Variants in OTOGL observed in about 807,000 individuals in gnomAD.
The protein encoded by OTOGL is otogelin-like protein.
A neutral mutation model predicts 318.5 loss-of-function variants in OTOGL; 285 were observed. The ratio of observed to expected loss-of-function variants is 0.89; its 90% confidence interval spans 0.81 to 0.99. The LOEUF is 0.99. Among genes scored for constraint, OTOGL ranks in the 50% least tolerant of loss-of-function variants. The pLI is 0.00. For synonymous variants in OTOGL, 987 were observed against 936.5 expected, an observed-to-expected ratio of 1.05 and a Z score of -0.99; for missense variants, 2,899 against 2,845.6, an observed-to-expected ratio of 1.02 and a Z score of -0.43.
At chr12:80,350,312 A>T (rs1176832852) in intron 44 of OTOGL, among the ~76,000 whole-genome samples, 1 of 152,174 alleles carries the variant, frequency 6.6e-6, no homozygotes, top group Non-Finnish European at 1.5e-5. Context: ...TCATTGGCAG[A>T]CCTGTAGGTT....
At chr12:80,280,731 C>T (rs907107350) in intron 26 of OTOGL, among the ~76,000 whole-genome samples, 4 of 151,466 alleles carry the variant, frequency 2.6e-5, no homozygotes, top group Non-Finnish European at 5.9e-5. Context: ...TTGATGCTTC[C>T]AGCTTTGTTC....
At chr12:80,251,574 C>A in intron 11 of OTOGL, 119 bp from the exon 12 acceptor site, 1 of 675,974 alleles carries the variant, frequency 1.5e-6, no homozygotes, top group South Asian at 2.1e-5. Context: ...CATATGCTGA[C>A]ATCAATTAAC....
chr12:80,167,831 A>T (rs375465635), intron 1 of OTOGL, among the ~76,000 whole-genome samples: 1 of 113,856 alleles, frequency 8.8e-6, no homozygotes, highest in Admixed American at 7.7e-5. Context: ...AAAAAAATGG[A>T]AAATAAGTGC....
chr12:80,206,571 G>A (rs7314647), intron 1 of OTOGL, among the ~76,000 whole-genome samples: 48,879 of 151,902 alleles, frequency 0.32, 8,063 homozygotes, highest in East Asian at 0.41. Flanking sequence ...GTGCAGTGGT[G>A]TGACCTCAGT....
intron 44 of OTOGL, among the ~76,000 whole-genome samples, chr12:80,349,193 T>A (rs1482567520): frequency 6.6e-6 from 1 of 152,006 alleles, no homozygotes; most frequent in Non-Finnish European, 1.5e-5. Flanking sequence ...TCAGAGGAGA[T>A]AAGTTGAGGC....
intron 13 of OTOGL, among the ~76,000 whole-genome samples, chr12:80,253,069 G>T (rs1881713736): frequency 6.6e-6 from 1 of 152,164 alleles, no homozygotes; most frequent in African/African-American, 2.4e-5. Context: ...CATTTGAGTA[G>T]CAGTACCTAG....
At chr12:80,191,256 G>A (rs1592531951) in intron 1 of OTOGL, among the ~76,000 whole-genome samples, 1 of 152,272 alleles carries the variant, frequency 6.6e-6, no homozygotes, top group Admixed American at 6.5e-5. Flanking sequence ...TGGCCAATAT[G>A]GCCAAACCCC....
In OTOGL at chr12:80,241,776, A is replaced by G. The variant is rs548477697; in HGVS notation, c.1052+2337A>G. ...TTATATTTCTCTTACATAAAAATCC[A>G]TGCCGGTTAGTGGTCTTGGATTGGC... On this transcript the variant is annotated intron_variant, in intron 11 of 58. Coordinates refer to ENST00000547103, the MANE Select transcript of OTOGL (RefSeq NM_001378609.3). Among the ~76,000 whole-genome samples the G allele has an allele frequency of 1.1e-4, 16 of 152,276 alleles. No individual in the cohort carries two copies. In the East Asian group the frequency reaches 2.5e-3, roughly 24 times the overall value.
intron 26 of OTOGL, among the ~76,000 whole-genome samples, chr12:80,282,934 TC>T (rs1353293358): frequency 6.6e-6 from 1 of 151,942 alleles, no homozygotes; most frequent in East Asian, 1.9e-4. Flanking sequence ...TTTGGTTCCT[TC>T]AGAGCAAGGA....
chr12:80,279,200 G>A (rs369824609), intron 26 of OTOGL, 34 bp downstream of exon 26: 25 of 1,551,846 alleles, frequency 1.6e-5, no homozygotes, highest in African/African-American at 2.8e-5. Context: ...ATTTGCATTC[G>A]TGTAAAGATT....
intron 1 of OTOGL, among the ~76,000 whole-genome samples, chr12:80,129,135 G>C (rs749830113): frequency 6.6e-6 from 1 of 152,178 alleles, no homozygotes; most frequent in Non-Finnish European, 1.5e-5. Flanking sequence ...CGTCGCTCAT[G>C]CTGGGAGCTG....
Position 80,272,342 on chromosome 12 carries a change from ATGTGTGTGTGTGTGTG to A in OTOGL, c.2681+564_2681+579del, listed in dbSNP as rs56364698. Reference sequence around the variant, plus strand: ...TTTTAAGCCTCAATTAGGCATTGTGATGTGTGTGTGTGTGTGTGTGTGTGTGTGTGTGTGTGTGTGT... The same window carrying A: ...TTTTAAGCCTCAATTAGGCATTGTGATGTGTGTGTGTGTGTGTGTGTGTGT... On this transcript the variant is annotated intron_variant, in intron 24 of 58. Coordinates refer to ENST00000547103, the MANE Select transcript of OTOGL (RefSeq NM_001378609.3). Among the ~76,000 whole-genome samples, 686 of 145,568 alleles carry A rather than the reference ATGTGTGTGTGTGTGTG, an allele frequency of 4.7e-3. 5 individuals are homozygous for A. The highest frequency in any genetic ancestry group is 9.9e-3 in the African/African-American group (389 of 39,102).
chr12:80,120,833 C>T (rs777460034), intron 1 of OTOGL, among the ~76,000 whole-genome samples: 1 of 152,158 alleles, frequency 6.6e-6, no homozygotes, highest in Admixed American at 6.6e-5. Flanking sequence ...GTAGTAGACA[C>T]TATGGAGCAT....
At chr12:80,202,922 C>T (rs188548616) in intron 1 of OTOGL, among the ~76,000 whole-genome samples, 1 of 152,254 alleles carries the variant, frequency 6.6e-6, no homozygotes, top group Admixed American at 6.5e-5. Flanking sequence ...TTGCCATCTC[C>T]ACTTCTGCTG....
At chr12:80,101,581 G>A (rs1441984166) in intron 1 of OTOGL, among the ~76,000 whole-genome samples, 1 of 152,150 alleles carries the variant, frequency 6.6e-6, no homozygotes, top group Admixed American at 6.6e-5. Context: ...TATTCATCAT[G>A]TAGAGCAATA....
intron 1 of OTOGL, among the ~76,000 whole-genome samples, chr12:80,135,895 C>A (rs1871537623): frequency 6.6e-6 from 1 of 152,176 alleles, no homozygotes; most frequent in African/African-American, 2.4e-5. Context: ...AATTCTCCTG[C>A]CTGATGGCCT....
intron 11 of OTOGL, among the ~76,000 whole-genome samples, chr12:80,248,837 C>A (rs1881178603): frequency 1.3e-5 from 2 of 150,308 alleles, no homozygotes; most frequent in Non-Finnish European, 3.0e-5. Flanking sequence ...CACATAGTCC[C>A]ATATTTCTTG....
At chr12:80,118,828 A>AAAC (rs1179967995) in intron 1 of OTOGL, among the ~76,000 whole-genome samples, 1 of 152,138 alleles carries the variant, frequency 6.6e-6, no homozygotes, top group Non-Finnish European at 1.5e-5. Context: ...AGAGGTCCTA[A>AAAC]AACTCTTGTC....
intron 44 of OTOGL, among the ~76,000 whole-genome samples, chr12:80,349,183 T>A (rs1198194018): frequency 6.6e-6 from 1 of 152,044 alleles, no homozygotes; most frequent in Non-Finnish European, 1.5e-5. Context: ...ATTCGGGAGC[T>A]CAGAGGAGAT....
Sources: allele counts gnomAD v4.1 joint callset (sites outside exome capture counted in the v4.1 genomes callset), GRCh38; gene constraint gnomAD v4.1.1; transcripts MANE v1.5; gene names NCBI Gene and HGNC (gene_info 2026-07-23, HGNC 2026-07-21).